IL1RAP: variants seen among roughly 807,000 people sequenced by gnomAD.
IL1RAP encodes interleukin-1 receptor accessory protein.
In IL1RAP, 35 loss-of-function variants were observed where a neutral mutation model predicts 60.7. The observed-to-expected ratio is 0.58, with a 90% CI of 0.44 to 0.76. The LOEUF (loss-of-function observed/expected upper bound fraction) is 0.76. Ranked by LOEUF, IL1RAP falls within the 30% of genes least tolerant of loss-of-function variation. IL1RAP has a pLI of 0.00. For missense variants in IL1RAP, 572 were observed against 693.9 expected, an observed-to-expected ratio of 0.82 and a Z score of 1.97; for synonymous variants, 268 against 250.9, an observed-to-expected ratio of 1.07 and a Z score of -0.64.
At chr3:190,590,616 C>G (rs1267529427) in intron 3 of IL1RAP, among the ~76,000 whole-genome samples, 1 of 152,136 alleles carries the variant, frequency 6.6e-6, no homozygotes. Context: ...TTGTTTTCAG[C>G]CTCAAGGACA....
At chr3:190,536,028 T>C (rs796351432) in intron 1 of IL1RAP, among the ~76,000 whole-genome samples, 9 of 152,354 alleles carry the variant, frequency 5.9e-5, no homozygotes, top group African/African-American at 2.2e-4. Context: ...CATAATGATG[T>C]TCCCAGAACC....
chr3:190,655,909 G>A, downstream of IL1RAP: 1 of 1,536,986 alleles, frequency 6.5e-7, no homozygotes, highest in Non-Finnish European at 8.7e-7. Context: ...AGCAGTTTTT[G>A]ATTTCATTCA....
chr3:190,555,294 C>G (rs1725311137), intron 1 of IL1RAP, among the ~76,000 whole-genome samples: 1 of 152,096 alleles, frequency 6.6e-6, no homozygotes, highest in Admixed American at 6.5e-5. Context: ...TGTGCTCCTT[C>G]CTCCCTCCTC....
chr3:190,596,301 G>T (rs1166535373), intron 3 of IL1RAP, among the ~76,000 whole-genome samples: 1 of 151,866 alleles, frequency 6.6e-6, no homozygotes, highest in African/African-American at 2.4e-5. Context: ...ATTCTGCTTT[G>T]AATGTGTGAG....
Position 190,627,429 on chromosome 3 carries a change from T to G in IL1RAP, c.882T>G (p.Ile294Met). The G allele has an allele frequency of 1.9e-6, 3 of 1,611,902 alleles. No individual in the cohort carries two copies. Among genetic ancestry groups the G allele is most frequent in the Non-Finnish European group, 2.5e-6 (3 of 1,179,252 alleles). The change falls in exon 8 of 12, where the codon ATT becomes ATG. Residue 294 changes from isoleucine (I) to methionine (M), a missense_variant. Coordinates refer to ENST00000447382, the MANE Select transcript of IL1RAP (RefSeq NM_002182.4). ...IDGKKPDDIT[I>M]DVTINESISH... The stretch of plus-strand genomic sequence containing the variant: ...GAAAAAAACCTGATGACATCACTAT[T>G]GATGTCACCATTAACGAAAGGTATC...
intron 11 of IL1RAP, among the ~76,000 whole-genome samples, chr3:190,647,275 CCTA>C (rs1734082318): frequency 6.6e-6 from 1 of 152,088 alleles, no homozygotes; most frequent in Admixed American, 6.6e-5. Context: ...CAAGGCTTTC[CCTA>C]CTGTTTCTGA....
intron 4 of IL1RAP, among the ~76,000 whole-genome samples, chr3:190,605,425 G>C (rs937895850): frequency 7.2e-5 from 11 of 151,882 alleles, no homozygotes; most frequent in Non-Finnish European, 1.5e-4. Context: ...TTAATTATTT[G>C]GTTACTTTTT....
chr3:190,574,350 A>G (rs536776844), intron 3 of IL1RAP, among the ~76,000 whole-genome samples: 1 of 152,332 alleles, frequency 6.6e-6, no homozygotes, highest in East Asian at 1.9e-4. Context: ...AAGCAGTTCT[A>G]TACAGGAAGA....
In IL1RAP at chr3:190,604,335, G is replaced by C; in HGVS notation, c.272G>C (p.Arg91Pro). The C allele has an allele frequency of 2.5e-6, 4 of 1,613,856 alleles. No individual in the cohort carries two copies. The highest frequency in any genetic ancestry group is 3.4e-6 in the Non-Finnish European group (4 of 1,179,972). The change falls in exon 4 of 12, where the codon CGC (arginine) becomes CCC (proline). Residue 91 changes from arginine to proline, a missense_variant. Transcript: ENST00000447382. ...EPINFRLPENRISKEKDVLWF... is the reference protein window; with the variant it reads ...EPINFRLPENPISKEKDVLWF... Reference sequence around the variant, plus strand: ...ATTAACTTCCGCCTCCCCGAGAACCGCATTAGTAAGGAGAAAGATGTGCTG... The same window carrying C: ...ATTAACTTCCGCCTCCCCGAGAACCCCATTAGTAAGGAGAAAGATGTGCTG...
At chr3:190,541,237 C>G (rs1221824099) in intron 1 of IL1RAP, among the ~76,000 whole-genome samples, 3 of 152,008 alleles carry the variant, frequency 2.0e-5, no homozygotes, top group Admixed American at 1.3e-4. Flanking sequence ...CCAGGTCTTC[C>G]TAGTAAAAGG....
chr3:190,655,755 T>TCGCCTTATCATTAA, downstream of IL1RAP: 1 of 617,610 alleles, frequency 1.6e-6, no homozygotes, highest in South Asian at 2.7e-5. Flanking sequence ...TTTGACTGGG[T>TCGCCTTATCATTAA]AAATTATTCA....
chr3:190,648,361 T>C lies in IL1RAP; in HGVS notation c.1369T>C (p.Phe457Leu), dbSNP rs764798318. Residue 457 changes from phenylalanine (F) to leucine (L), a missense_variant, in exon 12 of 12, where the codon TTC (phenylalanine) becomes CTC (leucine). Transcript: ENST00000447382. ...GGIVTDETLS[F>L]IQKSRRLLVV... Reference sequence around the variant, plus strand: ...AGTTGTCACAGATGAGACTTTGAGCTTCATTCAGAAAAGCAGACGCCTCCT... The same window carrying C: ...AGTTGTCACAGATGAGACTTTGAGCCTCATTCAGAAAAGCAGACGCCTCCT... The C allele has an allele frequency of 1.3e-6, 2 of 1,596,094 alleles. No homozygotes were observed. Among genetic ancestry groups the C allele is most frequent in the Non-Finnish European group, 1.7e-6 (2 of 1,175,122 alleles).
chr3:190,636,544 A>AT (rs1296276478), intron 9 of IL1RAP, among the ~76,000 whole-genome samples: 8 of 150,620 alleles, frequency 5.3e-5, no homozygotes, highest in East Asian at 1.9e-4. Context: ...TAATTAATTA[A>AT]TTTTTTTTTG....
intron 1 of IL1RAP, among the ~76,000 whole-genome samples, chr3:190,527,002 T>G (rs918696084): frequency 4.6e-5 from 7 of 152,214 alleles, no homozygotes; most frequent in Admixed American, 2.6e-4. Context: ...GTGACCACGC[T>G]TTTTTCCTCC....
chr3:190,635,660 A>C (rs1163650784), intron 9 of IL1RAP, among the ~76,000 whole-genome samples: 2 of 152,182 alleles, frequency 1.3e-5, no homozygotes, highest in South Asian at 4.1e-4. Flanking sequence ...AATTTTCCAG[A>C]TCGTTTTACT....
At chr3:190,627,728 G>T (rs1241464129) in intron 8 of IL1RAP, among the ~76,000 whole-genome samples, 1 of 152,146 alleles carries the variant, frequency 6.6e-6, no homozygotes, top group East Asian at 1.9e-4. Flanking sequence ...GCACCCTATT[G>T]TCTTAAGCCC....
At chr3:190,656,241 T>C, downstream of IL1RAP, 1 of 1,537,082 alleles carries the variant, frequency 6.5e-7, no homozygotes, top group Non-Finnish European at 8.7e-7. Flanking sequence ...CTGACATCAG[T>C]CTGGATCACG....
rs1235932606 is a variant in IL1RAP, at chr3:190,626,442, A to G, written c.776-881A>G. 2.0e-5 allele frequency among the ~76,000 whole-genome samples: 3 copies of G among 152,040 alleles called. No individual in the cohort carries two copies. The East Asian group carries it at 5.8e-4, about 29-fold the overall frequency. ...TCAGAGGGATAGCATAGAGTTTTCT[A>G]TTTTTAAGTTATCTTAAAATTTATT... On this transcript the variant is annotated intron_variant, in intron 7 of 11. Coordinates refer to ENST00000447382, the MANE Select transcript of IL1RAP (RefSeq NM_002182.4).
At chr3:190,584,224 G>T (rs1044457897) in intron 3 of IL1RAP, among the ~76,000 whole-genome samples, 13 of 152,182 alleles carry the variant, frequency 8.5e-5, no homozygotes, top group Non-Finnish European at 1.8e-4. Context: ...TTGTTACCAA[G>T]TAACATTCCA....
Sources: gnomAD v4.1 joint callset for allele counts (sites outside exome capture counted in the v4.1 genomes callset) on GRCh38, gnomAD v4.1.1 for gene constraint, MANE v1.5 for transcripts, NCBI Gene and HGNC (gene_info 2026-07-23, HGNC 2026-07-21) for gene names.